Variants in CTNNBL1 observed in about 807,000 individuals in gnomAD.
CTNNBL1 encodes catenin beta like 1, also known as beta-catenin-like protein 1.
A neutral mutation model predicts 72.7 loss-of-function variants in CTNNBL1; 31 were observed. The ratio of observed to expected loss-of-function variants is 0.43; its 90% CI spans 0.32 to 0.58. CTNNBL1 has a LOEUF of 0.58. CTNNBL1 is among the 20% of genes least tolerant of loss of function. CTNNBL1 has a pLI of 0.08. For missense variants in CTNNBL1, 534 were observed against 725.1 expected (o/e 0.74, Z 3.03); for synonymous variants, 240 against 267.3 (o/e 0.90, Z 1.00).
intron 1 of CTNNBL1, among the ~76,000 whole-genome samples, chr20:37,713,468 A>G (rs1008280569): frequency 7.9e-5 from 12 of 152,226 alleles, no homozygotes; most frequent in Non-Finnish European, 1.0e-4. Context: ...TAATTAAAAA[A>G]GCAATTTTTA....
intron 7 of CTNNBL1, among the ~76,000 whole-genome samples, chr20:37,772,499 C>T (rs1411916468): frequency 2.0e-5 from 3 of 152,192 alleles, no homozygotes; most frequent in African/African-American, 7.2e-5. Context: ...CAGGCGCCCG[C>T]CACCACATCC....
intron 5 of CTNNBL1, among the ~76,000 whole-genome samples, chr20:37,762,776 T>C (rs2073429501): frequency 6.6e-6 from 1 of 152,260 alleles, no homozygotes; most frequent in Non-Finnish European, 1.5e-5. Flanking sequence ...GTATTTTGAC[T>C]GCTTTTGGCC....
intron 11 of CTNNBL1, among the ~76,000 whole-genome samples, chr20:37,807,110 C>T (rs1200653533): frequency 6.6e-6 from 1 of 152,160 alleles, no homozygotes; most frequent in Non-Finnish European, 1.5e-5. Context: ...GCAGTGCAGC[C>T]TGAGGTGGTA....
chr20:37,717,408 A>G (rs1402791712), intron 1 of CTNNBL1, among the ~76,000 whole-genome samples: 3 of 152,200 alleles, frequency 2.0e-5, no homozygotes, highest in Non-Finnish European at 2.9e-5. Context: ...AGAAACTTAT[A>G]AAGTATCAGC....
At chr20:37,806,472 C>CA (rs2071961363) in intron 11 of CTNNBL1, among the ~76,000 whole-genome samples, 1 of 152,098 alleles carries the variant, frequency 6.6e-6, no homozygotes, top group South Asian at 2.1e-4. Flanking sequence ...GATCTGTCTT[C>CA]AAAAAACGAA....
intron 9 of CTNNBL1, 72 bp from the exon 10 acceptor site, chr20:37,779,115 A>G (rs1002874114): frequency 8.7e-6 from 13 of 1,486,402 alleles, no homozygotes; most frequent in Non-Finnish European, 1.2e-5. Flanking sequence ...AGGTTTTAGG[A>G]ATTGTTGGAT....
chr20:37,797,354 CTTTTTTTT>C (rs76016183), intron 10 of CTNNBL1, among the ~76,000 whole-genome samples: 54 of 103,926 alleles, frequency 5.2e-4, no homozygotes, highest in Non-Finnish European at 1.1e-3. Context: ...CACCTTGTTG[CTTTTTTTT>C]TTTTTTTTTT....
At chr20:37,840,937 A>G (rs2072299051) in intron 12 of CTNNBL1, among the ~76,000 whole-genome samples, 1 of 152,210 alleles carries the variant, frequency 6.6e-6, no homozygotes, top group Admixed American at 6.5e-5. Flanking sequence ...ATTACATGAC[A>G]TTAGATGGAT....
chr20:37,772,911 C>A (rs1050785156), intron 7 of CTNNBL1, among the ~76,000 whole-genome samples: 3 of 152,154 alleles, frequency 2.0e-5, no homozygotes, highest in Non-Finnish European at 4.4e-5. Flanking sequence ...AACAAATCAA[C>A]CCCCACTAAT....
rs191039544 is a variant in CTNNBL1 at position 37,846,923 on chromosome 20, T to C, written c.1392+4504T>C. ...CCTGTAATTATTTCATTTATTTGTT[T>C]ACTCTCTGTCTCTGGGACTGTAATC... On this transcript the variant is annotated intron_variant, in intron 13 of 15. Coordinates refer to ENST00000361383, the MANE Select transcript of CTNNBL1 (RefSeq NM_030877.5). Among the ~76,000 whole-genome samples, 223 of 152,326 alleles carry C rather than the reference T, an allele frequency of 1.5e-3. 1 individual carries two copies. The highest frequency in any genetic ancestry group is 2.4e-3 in the Non-Finnish European group (161 of 68,036).
At chr20:37,696,431 A>T (rs1239624154) in intron 1 of CTNNBL1, among the ~76,000 whole-genome samples, 1 of 149,710 alleles carries the variant, frequency 6.7e-6, no homozygotes, top group African/African-American at 2.5e-5. Flanking sequence ...ATAATGTACA[A>T]TATCTTTTTT....
chr20:37,804,791 A>T (rs1184298176), intron 11 of CTNNBL1, among the ~76,000 whole-genome samples: 1 of 152,242 alleles, frequency 6.6e-6, no homozygotes, highest in Non-Finnish European at 1.5e-5. Context: ...TGACAGATTC[A>T]GTGAGCAGCT....
chr20:37,706,926 A>G (rs1331052878), intron 1 of CTNNBL1, among the ~76,000 whole-genome samples: 1 of 152,240 alleles, frequency 6.6e-6, no homozygotes, highest in Admixed American at 6.5e-5. Flanking sequence ...CATATAATTA[A>G]CATTCATCTC....
chr20:37,715,503 C>A (rs2072978371), intron 1 of CTNNBL1, among the ~76,000 whole-genome samples: 1 of 152,200 alleles, frequency 6.6e-6, no homozygotes, highest in Admixed American at 6.5e-5. Flanking sequence ...GTAAACCCCA[C>A]AATGCTGTGA....
chr20:37,767,927 A>G, intron 6 of CTNNBL1, 26 bp from the exon 7 acceptor site: 1 of 1,601,864 alleles, frequency 6.2e-7, no homozygotes, highest in South Asian at 1.1e-5. Flanking sequence ...TGTCCTCCCA[A>G]ATGACTGGTG....
intron 2 of CTNNBL1, among the ~76,000 whole-genome samples, chr20:37,734,710 C>A (rs2073157646): frequency 3.9e-5 from 6 of 152,230 alleles, no homozygotes; most frequent in Non-Finnish European, 8.8e-5. Context: ...GTCACGTGAA[C>A]TTGTAAAATA....
intron 13 of CTNNBL1, among the ~76,000 whole-genome samples, chr20:37,844,284 C>T (rs1465068579): frequency 1.3e-5 from 2 of 152,138 alleles, no homozygotes; most frequent in East Asian, 1.9e-4. Flanking sequence ...GCAAGCACCA[C>T]CTTTAAATCA....
chr20:37,851,421 A>G (rs927756247), intron 13 of CTNNBL1, among the ~76,000 whole-genome samples: 1 of 152,116 alleles, frequency 6.6e-6, no homozygotes, highest in Non-Finnish European at 1.5e-5. Context: ...TAGGGAAACT[A>G]TAGGCCAAGA....
At chr20:37,844,484 G>T (rs1314178973) in intron 13 of CTNNBL1, among the ~76,000 whole-genome samples, 2 of 152,210 alleles carry the variant, frequency 1.3e-5, no homozygotes, top group African/African-American at 4.8e-5. Flanking sequence ...GTCAGTGACT[G>T]ACTGGTCTTC....
Sources: gnomAD v4.1 joint callset for allele counts (sites outside exome capture counted in the v4.1 genomes callset) on GRCh38, gnomAD v4.1.1 for gene constraint, MANE v1.5 for transcripts, NCBI Gene and HGNC (gene_info 2026-07-23, HGNC 2026-07-21) for gene names.